Variants in HS3ST4 observed in about 807,000 individuals in gnomAD.
HS3ST4 encodes the protein heparan sulfate glucosamine 3-O-sulfotransferase 4.
HS3ST4 carries 17 observed loss-of-function variants against 29.2 expected under a neutral mutation model. That is an observed-to-expected ratio of 0.58 (90% confidence interval 0.40 to 0.87). HS3ST4 has a LOEUF of 0.87. Ranked by LOEUF, HS3ST4 falls within the 40% of genes least tolerant of loss-of-function variation. HS3ST4 has a pLI of 0.00. For missense variants in HS3ST4, 627 were observed against 634.5 expected (o/e 0.99, Z 0.13); for synonymous variants, 314 against 285.7 (o/e 1.10, Z -1.00).
At chr16:25,849,046 A>C (rs1292796847) in intron 1 of HS3ST4, among the ~76,000 whole-genome samples, 1 of 152,092 alleles carries the variant, frequency 6.6e-6, no homozygotes, top group Non-Finnish European at 1.5e-5. Context: ...AACTGTTTTA[A>C]ATTTCCAAAT....
At chr16:25,857,384 A>G (rs1306805833) in intron 1 of HS3ST4, among the ~76,000 whole-genome samples, 1 of 152,200 alleles carries the variant, frequency 6.6e-6, no homozygotes, top group Non-Finnish European at 1.5e-5. Flanking sequence ...TGTTGTTGGA[A>G]GGATGGGAGT....
chr16:25,850,816 TG>T (rs1403694494), intron 1 of HS3ST4, among the ~76,000 whole-genome samples: 2 of 152,176 alleles, frequency 1.3e-5, no homozygotes, highest in Admixed American at 6.5e-5. Flanking sequence ...TCGTTGTGTC[TG>T]GAAACTATTC....
chr16:26,019,412 A>G (rs1969390280), intron 1 of HS3ST4, among the ~76,000 whole-genome samples: 1 of 152,224 alleles, frequency 6.6e-6, no homozygotes, highest in Non-Finnish European at 1.5e-5. Flanking sequence ...TGCCTTTTTT[A>G]CATCCGTAAT....
intron 1 of HS3ST4, among the ~76,000 whole-genome samples, chr16:26,113,152 T>A (rs539832455): frequency 7.2e-5 from 11 of 152,308 alleles, no homozygotes; most frequent in African/African-American, 2.2e-4. Flanking sequence ...TTAAATTTTT[T>A]AAATTTACAG....
intron 1 of HS3ST4, among the ~76,000 whole-genome samples, chr16:25,911,529 C>T (rs552802018): frequency 3.5e-3 from 359 of 101,842 alleles, no homozygotes; most frequent in African/African-American, 0.013. Context: ...TTTTTTGGGA[C>T]ATGACCTCAC....
intron 1 of HS3ST4, among the ~76,000 whole-genome samples, chr16:25,701,135 A>G (rs1221792788): frequency 1.3e-5 from 2 of 152,208 alleles, no homozygotes; most frequent in African/African-American, 4.8e-5. Flanking sequence ...ACCTGGCTTC[A>G]TTCTCAGACA....
intron 1 of HS3ST4, among the ~76,000 whole-genome samples, chr16:26,034,703 T>G (rs576307529): frequency 9.2e-5 from 14 of 151,904 alleles, no homozygotes; most frequent in African/African-American, 2.4e-4. Flanking sequence ...GTGAGGATTT[T>G]GGATTACAGA....
intron 1 of HS3ST4, among the ~76,000 whole-genome samples, chr16:25,899,960 G>T (rs1028263009): frequency 8.5e-5 from 13 of 152,156 alleles, no homozygotes; most frequent in African/African-American, 2.7e-4. Context: ...TCATGAAGCT[G>T]CCAGGCCAAC....
chr16:25,945,423 C>T lies in HS3ST4; in HGVS notation c.735-190189C>T, dbSNP rs77857020. ...ACTAGTACTAAATTTGGTTCCCAGG[C>T]TTTTGCCATGATGAACGCACTGTAG... On this transcript the variant is annotated intron_variant, in intron 1 of 1. Transcript: ENST00000331351. Among the ~76,000 whole-genome samples the T allele has an allele frequency of 1.3e-3, 193 of 152,256 alleles. 1 individual carries two copies. In the East Asian group the frequency reaches 0.029, roughly 23 times the overall value.
At chr16:25,881,838 T>C (rs1484122306) in intron 1 of HS3ST4, among the ~76,000 whole-genome samples, 1 of 152,172 alleles carries the variant, frequency 6.6e-6, no homozygotes, top group Non-Finnish European at 1.5e-5. Flanking sequence ...TTTCTCACAC[T>C]GAGTGCAAGT....
At chr16:25,806,791 T>G (rs906206800) in intron 1 of HS3ST4, among the ~76,000 whole-genome samples, 1 of 152,156 alleles carries the variant, frequency 6.6e-6, no homozygotes, top group Non-Finnish European at 1.5e-5. Flanking sequence ...ATTGAGATGT[T>G]TCCAGTTGTA....
At position 25,786,271 on chromosome 16, in the gene HS3ST4, A is replaced by G. The variant is rs140855485; in HGVS notation, c.734+93120A>G. Among the ~76,000 whole-genome samples, 663 of 152,254 alleles carry G rather than the reference A, an allele frequency of 4.4e-3. 4 individuals are homozygous for G. The highest frequency in any genetic ancestry group is 7.1e-3 in the Non-Finnish European group (482 of 68,018). Reference sequence around the variant, plus strand: ...GCAGTGAATGGTTGGGTGGTTAAGAACATAGTCCCTGTTATCAGATACCGA... The same window carrying G: ...GCAGTGAATGGTTGGGTGGTTAAGAGCATAGTCCCTGTTATCAGATACCGA... On this transcript the variant is annotated intron_variant, in intron 1 of 1. Transcript: ENST00000331351.
chr16:25,779,010 A>G (rs528385037), intron 1 of HS3ST4, among the ~76,000 whole-genome samples: 5 of 152,308 alleles, frequency 3.3e-5, no homozygotes, highest in South Asian at 2.1e-4. Context: ...CTACACACAC[A>G]CACACACGCA....
chr16:26,132,500 C>G (rs868463328), intron 1 of HS3ST4, among the ~76,000 whole-genome samples: 35 of 152,236 alleles, frequency 2.3e-4, no homozygotes, highest in Admixed American at 9.2e-4. Flanking sequence ...CTCTTATTTC[C>G]TTTTGCAACA....
At chr16:25,777,096 CATTAGGT>C (rs1487877034) in intron 1 of HS3ST4, among the ~76,000 whole-genome samples, 2 of 152,128 alleles carry the variant, frequency 1.3e-5, no homozygotes, top group Non-Finnish European at 1.5e-5. Flanking sequence ...CACTGAAAAG[CATTAGGT>C]GTCCACAATG....
At chr16:25,911,558 GT>G (rs1246378076) in intron 1 of HS3ST4, among the ~76,000 whole-genome samples, 2 of 139,274 alleles carry the variant, frequency 1.4e-5, no homozygotes, top group Non-Finnish European at 1.5e-5. Flanking sequence ...CCAGGCTGGA[GT>G]GCAGTTGTGC....
chr16:25,696,777 A>G (rs1966301198), intron 1 of HS3ST4, among the ~76,000 whole-genome samples: 1 of 152,224 alleles, frequency 6.6e-6, no homozygotes, highest in Admixed American at 6.5e-5. Context: ...TCAGCAGCAT[A>G]TTTTGCATGT....
chr16:26,012,391 A>T (rs1969318912), intron 1 of HS3ST4, among the ~76,000 whole-genome samples: 1 of 152,242 alleles, frequency 6.6e-6, no homozygotes, highest in Non-Finnish European at 1.5e-5. Flanking sequence ...TAAAATCAAG[A>T]TTTAGGCAGC....
chr16:25,811,842 A>G (rs573903108), intron 1 of HS3ST4, among the ~76,000 whole-genome samples: 14 of 152,320 alleles, frequency 9.2e-5, no homozygotes, highest in Admixed American at 2.6e-4. Context: ...ACTTCCAGTC[A>G]ATGATAGAGT....
Sources: allele counts gnomAD v4.1 joint callset (sites outside exome capture counted in the v4.1 genomes callset), GRCh38; gene constraint gnomAD v4.1.1; transcripts MANE v1.5; gene names NCBI Gene and HGNC (gene_info 2026-07-23, HGNC 2026-07-21).